ESYT2: variants seen among roughly 807,000 people sequenced by gnomAD.
The protein encoded by ESYT2 is extended synaptotagmin-2.
A neutral mutation model predicts 107.2 loss-of-function variants in ESYT2; 54 were observed. That is an observed-to-expected ratio of 0.50 (90% CI 0.40 to 0.63). The LOEUF is 0.63. Ranked by LOEUF, ESYT2 falls within the 30% of genes least tolerant of loss-of-function variation. The pLI, the probability that ESYT2 is intolerant of heterozygous loss-of-function variation, is 0.00. For missense variants in ESYT2, 1,020 were observed against 1,094.5 expected (o/e 0.93, Z 0.96); for synonymous variants, 491 against 434.1 (o/e 1.13, Z -1.63).
intron 19 of ESYT2, among the ~76,000 whole-genome samples, 156 bp from the exon 20 acceptor site, chr7:158,737,335 G>A (rs1362418427): frequency 1.3e-5 from 2 of 152,090 alleles, no homozygotes; most frequent in Admixed American, 6.5e-5. Context: ...TGCCTCCCCC[G>A]ACGGCTGCCT....
chr7:158,793,246 T>A (rs1839363554), intron 4 of ESYT2, among the ~76,000 whole-genome samples: 1 of 152,214 alleles, frequency 6.6e-6, no homozygotes, highest in African/African-American at 2.4e-5. Flanking sequence ...TTTAATGTGG[T>A]GTGTTACATC....
intron 7 of ESYT2, among the ~76,000 whole-genome samples, chr7:158,772,184 T>C (rs558561429): frequency 4.0e-4 from 61 of 152,318 alleles, no homozygotes; most frequent in Non-Finnish European, 4.1e-4. Context: ...GGTTTGTTGC[T>C]TGCAACCAGA....
intron 1 of ESYT2, among the ~76,000 whole-genome samples, chr7:158,824,061 T>A (rs1219771953): frequency 6.6e-6 from 1 of 152,222 alleles, no homozygotes. Flanking sequence ...ATTTTTTAGC[T>A]TAAACTAAAA....
At chr7:158,809,434 C>T (rs958122635) in intron 1 of ESYT2, among the ~76,000 whole-genome samples, 2 of 134,218 alleles carry the variant, frequency 1.5e-5, no homozygotes, top group Admixed American at 1.7e-4. Context: ...CGAGATCGCA[C>T]CATTGCACTC....
At chr7:158,766,339 C>T (rs896363473) in intron 8 of ESYT2, among the ~76,000 whole-genome samples, 3 of 152,124 alleles carry the variant, frequency 2.0e-5, no homozygotes, top group African/African-American at 7.2e-5. Flanking sequence ...GCTGTTAAGC[C>T]CATGCAGCTG....
In ESYT2 at chr7:158,829,435, G is replaced by A; in HGVS notation, c.-17C>T. On this transcript the variant is annotated 5_prime_UTR_variant, in exon 1 of 23. Transcript: ENST00000275418. Reference sequence around the variant, plus strand: ...GCCGCTCATCGCCCCGCAGTGCCGCGCTGCCCTCCCGGCCGAGGCGGGCTG... The same window carrying A: ...GCCGCTCATCGCCCCGCAGTGCCGCACTGCCCTCCCGGCCGAGGCGGGCTG... 2 of 1,184,872 alleles carry A rather than the reference G, an allele frequency of 1.7e-6. No homozygotes were observed. The highest frequency in any genetic ancestry group is 8.0e-5 in the South Asian group (2 of 25,114). The allele number at this position is 1,184,872 out of a possible 1,614,324, so 73.4% of individuals were successfully genotyped here. A position where few individuals can be genotyped will look rare whatever the true frequency, so the allele number is the denominator to read the frequency against.
At chr7:158,805,232 A>G (rs1839790108) in intron 1 of ESYT2, among the ~76,000 whole-genome samples, 1 of 152,188 alleles carries the variant, frequency 6.6e-6, no homozygotes, top group Non-Finnish European at 1.5e-5. Context: ...CTCCCAAACT[A>G]TCTGTCCCTC....
At chr7:158,751,922 GA>G (rs1316043251) in intron 14 of ESYT2, among the ~76,000 whole-genome samples, 2 of 152,188 alleles carry the variant, frequency 1.3e-5, no homozygotes, top group Admixed American at 1.3e-4. Flanking sequence ...TACTCCACAG[GA>G]GTAACCCCTA....
At chr7:158,738,050 G>A (rs981634926) in intron 19 of ESYT2, among the ~76,000 whole-genome samples, 2 of 152,108 alleles carry the variant, frequency 1.3e-5, no homozygotes, top group African/African-American at 2.4e-5. Context: ...AGAGACCAGC[G>A]TCTCCATAAA....
intron 1 of ESYT2, among the ~76,000 whole-genome samples, chr7:158,816,075 T>A (rs1362667817): frequency 6.6e-6 from 1 of 152,184 alleles, no homozygotes; most frequent in Non-Finnish European, 1.5e-5. Flanking sequence ...ATGGAGGATC[T>A]TCGCTGGTGG....
chr7:158,734,263 CAGTGACAGGAAGGT>C lies in ESYT2; in HGVS notation c.2556-25_2556-12del. The C allele has an allele frequency of 6.2e-7, 1 of 1,614,100 alleles. No individual in the cohort carries two copies. The highest frequency in any genetic ancestry group is 1.3e-5 in the African/African-American group (1 of 75,036). ...TCCGTGAGGTCATACCTGAGAAAGA[CAGTGACAGGAAGGT>C]GGTGACGGATACAGGACCAAGTAGG... On this transcript the variant is annotated splice_polypyrimidine_tract_variant and intron_variant, in intron 22 of 22. Transcript: ENST00000275418.
intron 7 of ESYT2, among the ~76,000 whole-genome samples, chr7:158,772,747 A>C (rs1838416947): frequency 6.6e-6 from 1 of 152,114 alleles, no homozygotes; most frequent in Non-Finnish European, 1.5e-5. Context: ...CCTGTTTTAG[A>C]CACTAGATCA....
At chr7:158,758,833 C>G (rs1303550292) in intron 13 of ESYT2, among the ~76,000 whole-genome samples, 1 of 152,200 alleles carries the variant, frequency 6.6e-6, no homozygotes, top group East Asian at 1.9e-4. Context: ...TTAGTAAGAT[C>G]TTCCTTTTCT....
intron 1 of ESYT2, among the ~76,000 whole-genome samples, chr7:158,811,127 T>A (rs1839983373): frequency 6.6e-6 from 1 of 151,676 alleles, no homozygotes; most frequent in South Asian, 2.1e-4. Flanking sequence ...ACCACTGCAC[T>A]CCAGCGTGGC....
At chr7:158,786,901 A>G (rs549260691) in intron 6 of ESYT2, among the ~76,000 whole-genome samples, 1 of 152,348 alleles carries the variant, frequency 6.6e-6, no homozygotes, top group Non-Finnish European at 1.5e-5. Context: ...AGAGCTAACA[A>G]TAACTGTGCA....
Position 158,752,660 on chromosome 7 carries a change from A to G in ESYT2, c.1482+121T>C, listed in dbSNP as rs2305478. On this transcript the variant is annotated intron_variant, in intron 14 of 22. Transcript: ENST00000275418. The stretch of plus-strand genomic sequence containing the variant: ...GGATAACAAAAGTAGGGTCTCTTCC[A>G]CTAGACAATTAATTACTACATAAAT... 3.7e-3 allele frequency: 1,999 copies of G among 541,772 alleles called. 117 individuals carry two copies. In the East Asian group the frequency reaches 0.12, roughly 32 times the overall value. The allele number at this position is 541,772 out of a possible 1,614,324, so 33.6% of individuals were successfully genotyped here.
rs781688669 is a variant in ESYT2, at chr7:158,752,817, A to G, written c.1446T>C (p.Asp482=). The G allele has an allele frequency of 2.3e-6, 3 of 1,304,302 alleles. No individual in the cohort carries two copies. Among genetic ancestry groups the G allele is most frequent in the Non-Finnish European group, 1.0e-6 (1 of 989,008 alleles). 80.8% of individuals were successfully genotyped at this position (1,304,302 alleles called of 1,614,324 possible). Residue 482 remains aspartate (D), a synonymous_variant, in exon 14 of 23, where the codon GAT becomes GAC. Coordinates refer to ENST00000275418, the MANE Select transcript of ESYT2 (RefSeq NM_001367773.1). ...TCTGAACTGCAGTCTTCTTCAAGAC[A>G]TCGGGGTTAAATTCTAATGGGTTAC... ...LPSNPLEFNP[D]VLKKTAVQRA... is the part of the protein sequence containing the mutation.
chr7:158,741,879 C>G lies in ESYT2; in HGVS notation c.1812G>C (p.Lys604Asn). 3.7e-6 allele frequency: 6 copies of G among 1,605,606 alleles called. No homozygotes were observed. In the South Asian group the frequency reaches 6.7e-5, roughly 18 times the overall value. ...GTTGGTGGTCTGGAGGCCTTTCTCG[C>G]TTTTCGAGATGGAGCACCTAGAGGT... is the stretch of plus-strand genomic sequence containing the variant. ...KIALRVLHLE[K>N]RERPPDHQHS... The change falls in exon 18 of 23, where the codon AAG becomes AAC. Residue 604 changes from lysine to asparagine, a missense_variant. By Grantham distance (94) the Lys-to-Asn change is moderately conservative. Transcript: ENST00000275418.
intron 4 of ESYT2, among the ~76,000 whole-genome samples, chr7:158,791,105 A>G (rs990272265): frequency 6.6e-5 from 10 of 152,064 alleles, no homozygotes; most frequent in Non-Finnish European, 1.5e-4. Context: ...CTAACTCCCC[A>G]TTCCTTCTGC....
Sources: allele counts gnomAD v4.1 joint callset (sites outside exome capture counted in the v4.1 genomes callset), GRCh38; gene constraint gnomAD v4.1.1; transcripts MANE v1.5; gene names NCBI Gene and HGNC (gene_info 2026-07-23, HGNC 2026-07-21).